The following XKR4 variants were observed in gnomAD, a reference collection of about 807,000 sequenced individuals.
XKR4 encodes XK related 4, also known as XK-related protein 4.
In XKR4, 12 loss-of-function variants were observed where a neutral mutation model predicts 53.9. That is an observed-to-expected ratio of 0.22 (90% CI 0.14 to 0.36). The LOEUF (loss-of-function observed/expected upper bound fraction) is 0.36. Ranked by LOEUF, XKR4 falls within the 10% of genes least tolerant of loss-of-function variation. The pLI, the probability that XKR4 is intolerant of heterozygous loss-of-function variation, is 1.00. For synonymous variants in XKR4, 354 were observed against 362.4 expected (o/e 0.98, Z 0.26); for missense variants, 799 against 859.5 (o/e 0.93, Z 0.88).
intron 1 of XKR4, among the ~76,000 whole-genome samples, chr8:55,270,629 C>G (rs149963948): frequency 3.5e-4 from 53 of 152,318 alleles, no homozygotes; most frequent in African/African-American, 1.3e-3. Flanking sequence ...TTTGATTCTA[C>G]TCCTCTGAGA....
At chr8:55,309,793 G>T (rs1819362342) in intron 1 of XKR4, among the ~76,000 whole-genome samples, 1 of 152,164 alleles carries the variant, frequency 6.6e-6, no homozygotes, top group Non-Finnish European at 1.5e-5. Context: ...TTGTTATCTT[G>T]CTGCTTATTA....
chr8:55,381,058 G>A (rs144342800), intron 2 of XKR4, among the ~76,000 whole-genome samples: 77 of 152,234 alleles, frequency 5.1e-4, no homozygotes, highest in African/African-American at 1.7e-3. Flanking sequence ...TGCATTAAAT[G>A]TCCGCTTCAA....
At chr8:55,227,212 C>A (rs192383730) in intron 1 of XKR4, among the ~76,000 whole-genome samples, 76 of 152,324 alleles carry the variant, frequency 5.0e-4, no homozygotes, top group African/African-American at 1.8e-3. Context: ...ATTTGGCAGG[C>A]CTCAACTAAT....
rs192223382 is a variant in XKR4, at chr8:55,144,425, A to C, written c.806+41131A>C. Among the ~76,000 whole-genome samples, 24 of 152,280 alleles carry C rather than the reference A, an allele frequency of 1.6e-4. No homozygotes were observed. In the East Asian group the frequency reaches 4.6e-3, roughly 29 times the overall value. ...AAGCCAACAGCACAAGCCCACCTAGAAATAGTGCTTGAAACCCAGGGAAAA... is the reference window on the plus strand; with the variant it reads ...AAGCCAACAGCACAAGCCCACCTAGCAATAGTGCTTGAAACCCAGGGAAAA... On this transcript the variant is annotated intron_variant, in intron 1 of 2. Coordinates refer to ENST00000327381, the MANE Select transcript of XKR4 (RefSeq NM_052898.2).
chr8:55,184,040 G>A (rs953632420), intron 1 of XKR4, among the ~76,000 whole-genome samples: 1 of 152,132 alleles, frequency 6.6e-6, no homozygotes, highest in Non-Finnish European at 1.5e-5. Flanking sequence ...AGAGAAAGCT[G>A]ACCAGAGTGT....
At chr8:55,305,769 C>T (rs907091538) in intron 1 of XKR4, among the ~76,000 whole-genome samples, 2 of 152,106 alleles carry the variant, frequency 1.3e-5, no homozygotes, top group African/African-American at 4.8e-5. Context: ...ACCCACCAAG[C>T]TCAATGCCCT....
intron 2 of XKR4, among the ~76,000 whole-genome samples, chr8:55,464,410 T>G (rs1288137215): frequency 2.6e-5 from 4 of 152,132 alleles, no homozygotes; most frequent in Non-Finnish European, 5.9e-5. Flanking sequence ...GAAAACGCCT[T>G]TCACAAAATT....
intron 2 of XKR4, among the ~76,000 whole-genome samples, chr8:55,463,244 A>C (rs1253717523): frequency 6.6e-6 from 1 of 152,232 alleles, no homozygotes; most frequent in Non-Finnish European, 1.5e-5. Context: ...TCCTCAGCAA[A>C]TGTAAAAGAA....
intron 1 of XKR4, among the ~76,000 whole-genome samples, chr8:55,295,075 TTTA>T: frequency 6.6e-6 from 1 of 152,320 alleles, no homozygotes; most frequent in South Asian, 2.1e-4. Context: ...AAATACGCAT[TTTA>T]TTATCATTAT....
At chr8:55,512,448 G>A (rs1375281840) in intron 2 of XKR4, among the ~76,000 whole-genome samples, 2 of 152,182 alleles carry the variant, frequency 1.3e-5, no homozygotes, top group Non-Finnish European at 2.9e-5. Context: ...AGCCACACCT[G>A]CAAGCTTTGG....
At chr8:55,481,840 A>G (rs1806113345) in intron 2 of XKR4, among the ~76,000 whole-genome samples, 1 of 152,186 alleles carries the variant, frequency 6.6e-6, no homozygotes, top group African/African-American at 2.4e-5. Flanking sequence ...TCAAAACCAC[A>G]ATGAGATACC....
rs925363530 is a variant in XKR4, at chr8:55,533,906, T to C, written c.*9679T>C. 1.3e-5 allele frequency: 2 copies of C among 152,208 alleles called. No homozygotes were observed. Among genetic ancestry groups the C allele is most frequent in the African/African-American group, 4.8e-5 (2 of 41,458 alleles). 9.4% of individuals were successfully genotyped at this position (152,208 alleles called of 1,614,324 possible). ...TACCTGCTTCTTATGGCTCACGCTA[T>C]GAATATTCACCTGCTTCATTTGTTT... On this transcript the variant is annotated 3_prime_UTR_variant, in exon 3 of 3. Coordinates refer to ENST00000327381, the MANE Select transcript of XKR4 (RefSeq NM_052898.2).
At chr8:55,519,609 C>G (rs1806769803) in intron 2 of XKR4, among the ~76,000 whole-genome samples, 1 of 152,002 alleles carries the variant, frequency 6.6e-6, no homozygotes, top group Non-Finnish European at 1.5e-5. Context: ...AAATGTAGTA[C>G]CTGATTCTAG....
intron 2 of XKR4, among the ~76,000 whole-genome samples, chr8:55,389,195 G>A (rs550679330): frequency 7.2e-5 from 11 of 152,264 alleles, no homozygotes; most frequent in South Asian, 4.1e-4. Flanking sequence ...CAAAGAGTGC[G>A]TGGCCCTGCA....
chr8:55,164,297 G>T, intron 1 of XKR4: 1 of 455,628 alleles, frequency 2.2e-6, no homozygotes, highest in Non-Finnish European at 4.4e-6. Context: ...CTCCTAGTGG[G>T]CAGGATGCTG....
chr8:55,409,228 G>A (rs10089985), intron 2 of XKR4, among the ~76,000 whole-genome samples: 2,153 of 149,284 alleles, frequency 0.014, 38 homozygotes, highest in African/African-American at 0.042. Flanking sequence ...CTGGCAGGCA[G>A]CAAGCAGGCA....
intron 2 of XKR4, among the ~76,000 whole-genome samples, chr8:55,378,750 CCT>C (rs978142918): frequency 1.1e-3 from 173 of 152,192 alleles, no homozygotes; most frequent in African/African-American, 3.9e-3. Context: ...GGATTCAAGC[CCT>C]GACTCTATGA....
At chr8:55,203,846 A>G (rs1423247046) in intron 1 of XKR4, among the ~76,000 whole-genome samples, 1 of 152,178 alleles carries the variant, frequency 6.6e-6, no homozygotes, top group African/African-American at 2.4e-5. Context: ...ACAAGCACTC[A>G]CGTAACTTTT....
chr8:55,428,028 A>G (rs1315392542), intron 2 of XKR4, among the ~76,000 whole-genome samples: 2 of 152,228 alleles, frequency 1.3e-5, no homozygotes, highest in Non-Finnish European at 2.9e-5. Flanking sequence ...ATAGAATGTT[A>G]TATAACTTTT....
Sources: allele counts gnomAD v4.1 joint callset (sites outside exome capture counted in the v4.1 genomes callset), GRCh38; gene constraint gnomAD v4.1.1; transcripts MANE v1.5; gene names NCBI Gene and HGNC (gene_info 2026-07-23, HGNC 2026-07-21).